LMX1B: variants seen among roughly 807,000 people sequenced by gnomAD.
LMX1B encodes LIM homeobox transcription factor 1-beta.
LMX1B carries 12 observed loss-of-function variants against 51.4 expected under a neutral mutation model. That is an observed-to-expected ratio of 0.23 (90% confidence interval 0.15 to 0.38). LMX1B has a LOEUF of 0.38. Among genes scored for constraint, LMX1B ranks in the 10% least tolerant of loss-of-function variants. The pLI is 1.00. For missense variants in LMX1B, 445 were observed against 571.1 expected (o/e 0.78, Z 2.25); for synonymous variants, 237 against 235.4 (o/e 1.01, Z -0.06).
At chr9:126,681,574 C>A (rs1330262382) in intron 2 of LMX1B, among the ~76,000 whole-genome samples, 1 of 87,938 alleles carries the variant, frequency 1.1e-5, no homozygotes, top group Non-Finnish European at 3.1e-5. Flanking sequence ...TAACCCGGTG[C>A]CCCCCCTACA....
At chr9:126,688,408 G>A (rs960659742) in intron 2 of LMX1B, among the ~76,000 whole-genome samples, 7 of 152,194 alleles carry the variant, frequency 4.6e-5, no homozygotes, top group African/African-American at 7.2e-5. Flanking sequence ...GGACCGTGGC[G>A]CTCCCACGCT....
intron 2 of LMX1B, among the ~76,000 whole-genome samples, chr9:126,649,160 G>A (rs12550943): frequency 0.28 from 42,607 of 150,862 alleles, 6,261 homozygotes; most frequent in African/African-American, 0.3. Context: ...CCTTCTCTCC[G>A]TCCCCTTCAC....
chr9:126,659,814 G>A (rs1836193016), intron 2 of LMX1B, among the ~76,000 whole-genome samples: 1 of 152,100 alleles, frequency 6.6e-6, no homozygotes, highest in African/African-American at 2.4e-5. Flanking sequence ...TCTTGTATGT[G>A]TGTCTACACA....
At chr9:126,662,159 A>T (rs1391634654) in intron 2 of LMX1B, among the ~76,000 whole-genome samples, 1 of 152,110 alleles carries the variant, frequency 6.6e-6, no homozygotes, top group Non-Finnish European at 1.5e-5. Context: ...GTGTGTCCTT[A>T]TGCAAGTGTC....
chr9:126,643,172 G>T (rs1417338885), intron 2 of LMX1B, among the ~76,000 whole-genome samples: 1 of 152,118 alleles, frequency 6.6e-6, no homozygotes, highest in East Asian at 1.9e-4. Flanking sequence ...GGTGGAGGCT[G>T]GGGGGCAGTT....
In LMX1B at chr9:126,644,851, C is replaced by T. The variant is rs995360639; in HGVS notation, c.326+29282C>T. On this transcript the variant is annotated intron_variant, in intron 2 of 7. Transcript: ENST00000373474. ...GGAGCTGGTGGAGACAGGCGTGTTT[C>T]ACCTGGGATTCTCTCAACCAAGACA... is the stretch of plus-strand genomic sequence containing the variant. Among the ~76,000 whole-genome samples the T allele has an allele frequency of 2.6e-5, 4 of 152,188 alleles. No individual in the cohort carries two copies. The East Asian group carries it at 7.7e-4, about 29-fold the overall frequency.
intron 2 of LMX1B, among the ~76,000 whole-genome samples, chr9:126,685,818 G>A (rs987240457): frequency 6.6e-6 from 1 of 152,118 alleles, no homozygotes; most frequent in African/African-American, 2.4e-5. Flanking sequence ...AGCCCTGTAA[G>A]GCAGCCTCTG....
At chr9:126,616,213 T>C (rs552759711) in intron 2 of LMX1B, among the ~76,000 whole-genome samples, 2 of 152,304 alleles carry the variant, frequency 1.3e-5, no homozygotes, top group Admixed American at 1.3e-4. Flanking sequence ...AGTTACAATT[T>C]GGGGCTCCCA....
intron 2 of LMX1B, among the ~76,000 whole-genome samples, chr9:126,669,722 T>A (rs1836415659): frequency 6.6e-6 from 1 of 152,100 alleles, no homozygotes; most frequent in Non-Finnish European, 1.5e-5. Context: ...GGTCACCTCA[T>A]GTGTGCACAT....
chr9:126,685,985 G>C (rs1469882016), intron 2 of LMX1B, among the ~76,000 whole-genome samples: 4 of 152,118 alleles, frequency 2.6e-5, no homozygotes, highest in Non-Finnish European at 5.9e-5. Context: ...AGAAGCTGGA[G>C]TGCTCCCAGG....
chr9:126,650,879 G>A (rs963341419), intron 2 of LMX1B, among the ~76,000 whole-genome samples: 25 of 152,342 alleles, frequency 1.6e-4, no homozygotes, highest in Non-Finnish European at 2.4e-4. Flanking sequence ...GGATAATTAC[G>A]GAGTGCAGAA....
At chr9:126,669,409 A>G (rs1033522380) in intron 2 of LMX1B, among the ~76,000 whole-genome samples, 1 of 152,036 alleles carries the variant, frequency 6.6e-6, no homozygotes, top group African/African-American at 2.4e-5. Context: ...GCCTCCCTGG[A>G]CTTCTGAGAA....
At chr9:126,686,557 T>C (rs1023303490) in intron 2 of LMX1B, among the ~76,000 whole-genome samples, 9 of 152,134 alleles carry the variant, frequency 5.9e-5, no homozygotes, top group African/African-American at 2.2e-4. Flanking sequence ...GAGATGTGTA[T>C]GGCCACCCCC....
intron 2 of LMX1B, among the ~76,000 whole-genome samples, chr9:126,635,498 C>T (rs1015704767): frequency 2.0e-5 from 3 of 152,372 alleles, no homozygotes; most frequent in South Asian, 2.1e-4. Flanking sequence ...TGTCACAGCA[C>T]AGTCACACAC....
intron 2 of LMX1B, among the ~76,000 whole-genome samples, chr9:126,628,073 T>C (rs759209673): frequency 3.9e-5 from 6 of 152,108 alleles, no homozygotes; most frequent in Non-Finnish European, 8.8e-5. Context: ...GGGAATGCGG[T>C]CTACTAAACT....
At chr9:126,681,537 C>T (rs1836671377) in intron 2 of LMX1B, among the ~76,000 whole-genome samples, 1 of 151,980 alleles carries the variant, frequency 6.6e-6, no homozygotes, top group African/African-American at 2.4e-5. Flanking sequence ...GTGCTAACTT[C>T]CCAAAGCCAC....
At chr9:126,633,947 T>G (rs1224450860) in intron 2 of LMX1B, among the ~76,000 whole-genome samples, 3 of 152,068 alleles carry the variant, frequency 2.0e-5, no homozygotes. Flanking sequence ...GTGTGACCCC[T>G]CTGCCAGTTG....
At position 126,697,937 on chromosome 9, in the gene LMX1B, G is replaced by T. The variant is rs950521856; in HGVS notation, c.*1486G>T. On this transcript the variant is annotated 3_prime_UTR_variant, in exon 8 of 8. Transcript: ENST00000373474. The stretch of plus-strand genomic sequence containing the variant: ...GTTGCCCAGGCTGGAGTGCAATGGC[G>T]CGATCTCGGCTCACCACAACCTCCG... 1 of 155,952 alleles carries T rather than the reference G, an allele frequency of 6.4e-6. No homozygotes were observed. The allele number at this position is 155,952 out of a possible 1,614,324, so 9.7% of individuals were successfully genotyped here.
intron 2 of LMX1B, among the ~76,000 whole-genome samples, chr9:126,617,351 G>T (rs1177112642): frequency 6.6e-6 from 1 of 151,760 alleles, no homozygotes; most frequent in Non-Finnish European, 1.5e-5. Context: ...GGGGGCCCAG[G>T]AAACTAAAAC....
Sources: allele counts gnomAD v4.1 joint callset (sites outside exome capture counted in the v4.1 genomes callset), GRCh38; gene constraint gnomAD v4.1.1; transcripts MANE v1.5; gene names NCBI Gene and HGNC (gene_info 2026-07-23, HGNC 2026-07-21).